INPP5B: variants seen among roughly 807,000 people sequenced by gnomAD.
INPP5B encodes the protein inositol polyphosphate-5-phosphatase B.
Under a neutral mutation model 118.5 loss-of-function variants are expected in INPP5B, and 90 were observed. The ratio of observed to expected loss-of-function variants is 0.76; its 90% CI spans 0.64 to 0.90. INPP5B has a LOEUF of 0.90. Among genes scored for constraint, INPP5B ranks in the 40% least tolerant of loss-of-function variants. The pLI is 0.00. For missense variants in INPP5B, 984 were observed against 1,125.6 expected, an observed-to-expected ratio of 0.87 and a Z score of 1.80; for synonymous variants, 385 against 418.9, an observed-to-expected ratio of 0.92 and a Z score of 0.99.
In INPP5B at chr1:37,907,379, A is replaced by C. The variant is rs1322634136; in HGVS notation, c.533-15925T>G. Among the ~76,000 whole-genome samples the C allele has an allele frequency of 1.3e-5, 2 of 152,344 alleles. No individual in the cohort carries two copies. On this transcript the variant is annotated intron_variant, in intron 7 of 23. Coordinates refer to ENST00000373024, the MANE Select transcript of INPP5B (RefSeq NM_005540.3). This position sits in a 1 kb window ranked among gnomAD's most constrained non-coding sequence, Gnocchi z 4.3. The stretch of plus-strand genomic sequence containing the variant: ...AAGAGACCCTCATAGTTAGGCAGGA[A>C]TATAATCGACCTATTCAGCATGAAG...
intron 6 of INPP5B, among the ~76,000 whole-genome samples, 175 bp from the exon 7 acceptor site, chr1:37,932,228 G>A (rs1003185772): frequency 6.6e-6 from 1 of 152,158 alleles, no homozygotes; most frequent in African/African-American, 2.4e-5. Flanking sequence ...TTCCAAGGCA[G>A]AGACCACCGC....
At position 37,895,729 on chromosome 1, in the gene INPP5B, G is replaced by A. The variant is rs1644012023; in HGVS notation, c.533-4275C>T. Among the ~76,000 whole-genome samples the A allele has an allele frequency of 2.0e-5, 3 of 152,308 alleles. No individual in the cohort carries two copies. The South Asian group carries it at 6.2e-4, about 32-fold the overall frequency. On this transcript the variant is annotated intron_variant, in intron 7 of 23. Transcript: ENST00000373024. ...GGGGATTCGCTGTGTTGGCCGGGCT[G>A]GTCTCCAGCTCCTAACCGCGAGTGA...
At chr1:37,887,211 C>G (rs2279260) in intron 11 of INPP5B, 140 bp downstream of exon 11, 2 of 733,338 alleles carry the variant, frequency 2.7e-6, no homozygotes, top group Admixed American at 5.2e-5. Context: ...CGGAGGCACC[C>G]CTTCTGGAAG....
At chr1:37,898,266 T>C (rs889066307) in intron 7 of INPP5B, among the ~76,000 whole-genome samples, 1 of 151,982 alleles carries the variant, frequency 6.6e-6, no homozygotes, top group Non-Finnish European at 1.5e-5. Context: ...CCAGGGGTTT[T>C]GGGGGTGAGG....
chr1:37,901,803 A>G (rs536401694), intron 7 of INPP5B, among the ~76,000 whole-genome samples: 2 of 152,112 alleles, frequency 1.3e-5, no homozygotes, highest in South Asian at 4.2e-4. Context: ...TTGCCATTAC[A>G]CAGCCCCATA....
At chr1:37,893,110 T>G (rs1257046070) in intron 7 of INPP5B, among the ~76,000 whole-genome samples, 16 of 136,978 alleles carry the variant, frequency 1.2e-4, no homozygotes, top group South Asian at 2.3e-4. Flanking sequence ...TTTTTTTTTT[T>G]GGGACAGGGT....
At chr1:37,928,184 T>G (rs1645312039) in intron 7 of INPP5B, among the ~76,000 whole-genome samples, 1 of 152,064 alleles carries the variant, frequency 6.6e-6, no homozygotes, top group Admixed American at 6.6e-5. Flanking sequence ...GCTTTTTTTT[T>G]TCTGAGGGGA....
chr1:37,942,542 T>C (rs1370094211), intron 5 of INPP5B, among the ~76,000 whole-genome samples: 5 of 152,152 alleles, frequency 3.3e-5, no homozygotes, highest in Non-Finnish European at 5.9e-5. Context: ...TATTGTTGTA[T>C]AGCAAAGCAG....
At chr1:37,880,237 G>A in intron 14 of INPP5B, 43 bp from the exon 15 acceptor site, 3 of 1,445,780 alleles carry the variant, frequency 2.1e-6, no homozygotes, top group Admixed American at 1.7e-5. Flanking sequence ...AGAATAAAAA[G>A]GTCAAACTTT....
intron 7 of INPP5B, among the ~76,000 whole-genome samples, chr1:37,906,759 T>G (rs1016143977): frequency 3.2e-4 from 47 of 148,272 alleles, no homozygotes; most frequent in Admixed American, 3.0e-3. Flanking sequence ...ACTCGGGAGG[T>G]TGAGACAGGA....
At chr1:37,917,307 A>ATT (rs1290428415) in intron 7 of INPP5B, among the ~76,000 whole-genome samples, 3 of 11,394 alleles carry the variant, frequency 2.6e-4, no homozygotes, top group Admixed American at 3.5e-3. Flanking sequence ...AAAAAAAATA[A>ATT]TTATATATAT....
At chr1:37,883,314 T>A (rs1643322091) in intron 13 of INPP5B, 1 of 985,458 alleles carries the variant, frequency 1.0e-6, no homozygotes, top group Non-Finnish European at 1.2e-6. Context: ...TGCCTCTGTG[T>A]ATACTGCAAC....
At chr1:37,898,453 T>C (rs565239430) in intron 7 of INPP5B, among the ~76,000 whole-genome samples, 347 of 152,266 alleles carry the variant, frequency 2.3e-3, no homozygotes, top group Non-Finnish European at 3.7e-3. Flanking sequence ...CCCAGCACTT[T>C]GGGAGGCCGA....
rs113891260 is a variant in INPP5B, at chr1:37,868,419, C to T, written c.2301+82G>A. 382 of 824,362 alleles carry T rather than the reference C, an allele frequency of 4.6e-4. 2 individuals carry two copies. Among genetic ancestry groups the T allele is most frequent in the Middle Eastern group, 3.7e-3 (15 of 4,042 alleles). The allele number at this position is 824,362 out of a possible 1,614,324, so 51.1% of individuals were successfully genotyped here. On this transcript the variant is annotated intron_variant, in intron 20 of 23. Coordinates refer to ENST00000373024, the MANE Select transcript of INPP5B (RefSeq NM_005540.3). The stretch of plus-strand genomic sequence containing the variant: ...GGTGAAGAACAGTTCTCCACAGTTT[C>T]CTTATGAAAAAAGTTCTTGGGGCTG...
At chr1:37,925,210 A>T (rs1645185077) in intron 7 of INPP5B, among the ~76,000 whole-genome samples, 1 of 151,878 alleles carries the variant, frequency 6.6e-6, no homozygotes, top group Admixed American at 6.6e-5. Flanking sequence ...AAATAAATAA[A>T]AACAAAAAGA....
intron 11 of INPP5B, 31 bp from the exon 12 acceptor site, chr1:37,887,035 A>C (rs745331920): frequency 2.9e-5 from 46 of 1,578,964 alleles, no homozygotes; most frequent in Non-Finnish European, 5.2e-6. Flanking sequence ...ATTAAATAGA[A>C]ATTGCAAACA....
intron 5 of INPP5B, among the ~76,000 whole-genome samples, chr1:37,941,179 G>A (rs1301060434): frequency 6.6e-6 from 1 of 152,152 alleles, no homozygotes; most frequent in Non-Finnish European, 1.5e-5. Flanking sequence ...GCCAGGTAGT[G>A]TGATAGGCAC....
intron 7 of INPP5B, among the ~76,000 whole-genome samples, chr1:37,897,079 C>T (rs1415206427): frequency 3.3e-5 from 5 of 150,410 alleles, no homozygotes; most frequent in Non-Finnish European, 7.4e-5. Flanking sequence ...GCCCCTCTGC[C>T]CGGCCAGCCG....
chr1:37,887,513 A>T, intron 10 of INPP5B, 48 bp from the exon 11 acceptor site: 4 of 1,099,900 alleles, frequency 3.6e-6, no homozygotes, highest in Non-Finnish European at 5.5e-6. Context: ...GTAATGTGCA[A>T]ATGACACATT....
Sources: gnomAD v4.1 joint callset for allele counts (sites outside exome capture counted in the v4.1 genomes callset) on GRCh38, gnomAD v4.1.1 for gene constraint, Gnocchi (gnomAD v3.1) non-coding constraint, MANE v1.5 for transcripts, NCBI Gene and HGNC (gene_info 2026-07-23, HGNC 2026-07-21) for gene names.